Variants in ADGRE1 observed in about 807,000 individuals in gnomAD.
ADGRE1 encodes the protein adhesion G protein-coupled receptor E1.
A neutral mutation model predicts 102.7 loss-of-function variants in ADGRE1; 82 were observed. The observed-to-expected ratio is 0.80, with a 90% CI of 0.67 to 0.96. The LOEUF is 0.96. Ranked by LOEUF, ADGRE1 falls within the 40% of genes least tolerant of loss-of-function variation. ADGRE1 has a pLI of 0.00. For missense variants in ADGRE1, 1,032 were observed against 1,085.3 expected, an observed-to-expected ratio of 0.95 and a Z score of 0.69; for synonymous variants, 398 against 399.6, an observed-to-expected ratio of 1.00 and a Z score of 0.05.
chr19:6,904,668 G>T (rs1454193272), intron 8 of ADGRE1, among the ~76,000 whole-genome samples: 1 of 151,844 alleles, frequency 6.6e-6, no homozygotes, highest in Non-Finnish European at 1.5e-5. Context: ...ACCACGCCTG[G>T]CTAATATTTT....
In ADGRE1 at chr19:6,897,318, G is replaced by C; in HGVS notation, c.394+14G>C. On this transcript the variant is annotated intron_variant, in intron 4 of 20. Transcript: ENST00000312053. ...TCTCCTGTACTGGTAATGCTCTCAG[G>C]TTCCCAGGGATGGGTCTTGGGTGGA... 1 of 1,613,860 alleles carries C rather than the reference G, an allele frequency of 6.2e-7. No individual in the cohort carries two copies. The highest frequency in any genetic ancestry group is 8.5e-7 in the Non-Finnish European group (1 of 1,179,960).
At chr19:6,910,208 A>G (rs1245644833) in intron 10 of ADGRE1, among the ~76,000 whole-genome samples, 1 of 152,082 alleles carries the variant, frequency 6.6e-6, no homozygotes, top group African/African-American at 2.4e-5. Flanking sequence ...TAGGGTTTTC[A>G]GATTAAATTT....
chr19:6,908,070 G>A (rs1428302083), intron 9 of ADGRE1, among the ~76,000 whole-genome samples: 2 of 152,340 alleles, frequency 1.3e-5, no homozygotes, highest in Non-Finnish European at 2.9e-5. Flanking sequence ...TTACCGGAAT[G>A]AGGGCAAGGA....
At chr19:6,898,368 G>A in intron 5 of ADGRE1, 1 of 1,598,672 alleles carries the variant, frequency 6.3e-7, no homozygotes, top group South Asian at 1.1e-5. Flanking sequence ...GCAAAAACAT[G>A]TCAGGGAGGT....
At chr19:6,908,361 A>G (rs549194864) in intron 9 of ADGRE1, among the ~76,000 whole-genome samples, 2 of 152,208 alleles carry the variant, frequency 1.3e-5, no homozygotes, top group East Asian at 1.9e-4. Context: ...CTGATTTCCC[A>G]CTTCACACCT....
At chr19:6,919,451 T>TGTGTGG in intron 12 of ADGRE1, 97 bp from the exon 13 acceptor site, 1 of 607,800 alleles carries the variant, frequency 1.6e-6, no homozygotes, top group Non-Finnish European at 2.9e-6. Flanking sequence ...TCTGTGTGTG[T>TGTGTGG]GTGTGTGTGT....
intron 5 of ADGRE1, among the ~76,000 whole-genome samples, chr19:6,900,201 G>A: frequency 6.6e-6 from 1 of 151,942 alleles, no homozygotes; most frequent in East Asian, 1.9e-4. Flanking sequence ...GAGACTGGGT[G>A]TGGTGGCTCA....
At chr19:6,925,638 T>G (rs1239762361) in intron 15 of ADGRE1, among the ~76,000 whole-genome samples, 1 of 152,190 alleles carries the variant, frequency 6.6e-6, no homozygotes, top group Non-Finnish European at 1.5e-5. Context: ...GTTACAGATG[T>G]CGATAATGCT....
intron 17 of ADGRE1, among the ~76,000 whole-genome samples, chr19:6,930,978 A>G (rs1259900353): frequency 6.6e-6 from 1 of 151,992 alleles, no homozygotes; most frequent in Admixed American, 6.6e-5. Flanking sequence ...AATTATTATT[A>G]ACTATAGTCA....
intron 2 of ADGRE1, among the ~76,000 whole-genome samples, chr19:6,893,567 T>C (rs34986624): frequency 0.12 from 18,045 of 152,266 alleles, 1,180 homozygotes; most frequent in Non-Finnish European, 0.16. Flanking sequence ...TCCTCACCCA[T>C]TCATCCACTG....
intron 9 of ADGRE1, 99 bp from the exon 10 acceptor site, chr19:6,908,590 A>G: frequency 2.9e-6 from 3 of 1,021,850 alleles, no homozygotes; most frequent in Non-Finnish European, 4.2e-6. Flanking sequence ...GAGCCACCTC[A>G]TATGATGGGC....
At chr19:6,897,072 T>TC (rs1973581739) in intron 3 of ADGRE1, 77 bp from the exon 4 acceptor site, 1 of 165,910 alleles carries the variant, frequency 6.0e-6, no homozygotes, top group African/African-American at 1.1e-4. Context: ...TTGTTTTAAC[T>TC]TTTTTTTTTT....
chr19:6,939,961 C>T, intron 20 of ADGRE1, 63 bp from the exon 21 acceptor site: 1 of 1,578,050 alleles, frequency 6.3e-7, no homozygotes, highest in Non-Finnish European at 8.7e-7. Flanking sequence ...AGACATGACC[C>T]TTGGAATCAC....
intron 2 of ADGRE1, 61 bp from the exon 3 acceptor site, chr19:6,896,337 C>T (rs1201283727): frequency 1.9e-6 from 3 of 1,555,270 alleles, no homozygotes; most frequent in South Asian, 1.2e-5. Context: ...ATGCTGGGTT[C>T]CCTTGCAGCC....
At chr19:6,910,570 C>CT (rs11303491) in intron 10 of ADGRE1, among the ~76,000 whole-genome samples, 6,408 of 112,622 alleles carry the variant, frequency 0.057, 464 homozygotes, top group African/African-American at 0.097. Context: ...TGTTCCAACT[C>CT]TTTTTTTTTT....
At chr19:6,914,529 C>T (rs1326749921) in intron 11 of ADGRE1, among the ~76,000 whole-genome samples, 1 of 152,206 alleles carries the variant, frequency 6.6e-6, no homozygotes, top group African/African-American at 2.4e-5. Flanking sequence ...TAGCACCCCA[C>T]TCCTGGTAGT....
At chr19:6,896,238 A>G (rs896297207) in intron 2 of ADGRE1, 160 bp from the exon 3 acceptor site, 39 of 646,352 alleles carry the variant, frequency 6.0e-5, no homozygotes, top group Middle Eastern at 5.3e-4. Flanking sequence ...TCCAAATAAG[A>G]TGAAATTCAC....
At chr19:6,917,427 G>C (rs1033646555) in intron 12 of ADGRE1, among the ~76,000 whole-genome samples, 1 of 152,058 alleles carries the variant, frequency 6.6e-6, no homozygotes, top group Admixed American at 6.6e-5. Context: ...CATCAGGAAT[G>C]TGGGGGAGAG....
chr19:6,892,496 C>T (rs1973417466), intron 2 of ADGRE1, among the ~76,000 whole-genome samples: 1 of 152,172 alleles, frequency 6.6e-6, no homozygotes, highest in African/African-American at 2.4e-5. Flanking sequence ...GTTGTATCTA[C>T]TGACATCTTT....
Sources: gnomAD v4.1 joint callset for allele counts (sites outside exome capture counted in the v4.1 genomes callset) on GRCh38, gnomAD v4.1.1 for gene constraint, MANE v1.5 for transcripts, NCBI Gene and HGNC (gene_info 2026-07-23, HGNC 2026-07-21) for gene names.